MSH6: variants seen among roughly 807,000 people sequenced by gnomAD.
MSH6 encodes the protein mutS homolog 6.
In MSH6, 85 loss-of-function variants were observed where a neutral mutation model predicts 119.1. The observed-to-expected ratio is 0.71, with a 90% CI of 0.60 to 0.85. The LOEUF is 0.85. MSH6 is among the 40% of genes least tolerant of loss of function. The pLI, the probability that MSH6 is intolerant of heterozygous loss-of-function variation, is 0.00. For synonymous variants in MSH6, 830 were observed against 586.9 expected (o/e 1.41, Z -5.99); for missense variants, 2,163 against 1,655.3 (o/e 1.31, Z -5.32).
chr2:47,786,815 T>C (rs1238738051), intron 1 of MSH6, among the ~76,000 whole-genome samples: 2 of 152,142 alleles, frequency 1.3e-5, no homozygotes, highest in African/African-American at 4.8e-5. Context: ...GTTGTTGTTG[T>C]TGAATAATAG....
At chr2:47,784,223 C>G in intron 1 of MSH6, 1 of 1,002,616 alleles carries the variant, frequency 1.0e-6, no homozygotes, top group Non-Finnish European at 1.2e-6. Context: ...GTGCTGGGAT[C>G]CGGCTGGGTC....
At position 47,799,714 on chromosome 2, in the gene MSH6, C is replaced by G. The variant is rs2104363857; in HGVS notation, c.1731C>G (p.Arg577=). The change falls in exon 4 of 10, where the codon CGC becomes CGG. Residue 577 remains arginine, a synonymous_variant. Transcript: ENST00000234420. ...TCATAGGTCAGTTTTCAGATGATCG[C>G]CATTGTTCGAGATTTAGGACTCTAG... ...KFFIGQFSDD[R]HCSRFRTLVA... 6.2e-7 allele frequency: 1 copy of G among 1,614,138 alleles called. No individual in the cohort carries two copies. Among genetic ancestry groups the G allele is most frequent in the Non-Finnish European group, 8.5e-7 (1 of 1,180,032 alleles).
Position 47,806,770 on chromosome 2 carries a change from A to C in MSH6, c.4002-9A>C, listed in dbSNP as rs755141440. 2 of 1,473,568 alleles carry C rather than the reference A, an allele frequency of 1.4e-6. No individual in the cohort carries two copies. The highest frequency in any genetic ancestry group is 1.8e-6 in the Non-Finnish European group (2 of 1,091,634). The allele number at this position is 1,473,568 out of a possible 1,614,324, so 91.3% of individuals were successfully genotyped here. On this transcript the variant is annotated splice_polypyrimidine_tract_variant and intron_variant, in intron 9 of 9. Coordinates refer to ENST00000234420, the MANE Select transcript of MSH6 (RefSeq NM_000179.3). ...AAAAAACTTTTTTTTTTTTTTTTTT[A>C]ATTTTAAGGGAAGTTTGCCTGGCTA...
chr2:47,805,569 A>C lies in MSH6; in HGVS notation c.3557-49A>C, dbSNP rs1386451993. 1 of 1,197,644 alleles carries C rather than the reference A, an allele frequency of 8.3e-7. No individual in the cohort carries two copies. Among genetic ancestry groups the C allele is most frequent in the Non-Finnish European group, 1.2e-6 (1 of 800,566 alleles). 74.2% of individuals were successfully genotyped at this position (1,197,644 alleles called of 1,614,324 possible). ...TATAACCTAGAAGATGAATTTATGTAATATGATTTGCAAAATGAGTATTCA... is the reference window on the plus strand; with the variant it reads ...TATAACCTAGAAGATGAATTTATGTCATATGATTTGCAAAATGAGTATTCA... On this transcript the variant is annotated intron_variant, in intron 6 of 9. Coordinates refer to ENST00000234420, the MANE Select transcript of MSH6 (RefSeq NM_000179.3).
At chr2:47,789,744 A>G (rs1211142341) in intron 1 of MSH6, among the ~76,000 whole-genome samples, 1 of 152,230 alleles carries the variant, frequency 6.6e-6, no homozygotes. Context: ...CCTGTACTTT[A>G]TCTCTAGATT....
At position 47,806,646 on chromosome 2, in the gene MSH6, A is replaced by G; in HGVS notation, c.3996A>G (p.Leu1332=). The change falls in exon 9 of 10, where the codon TTA becomes TTG. Residue 1332 remains leucine, a synonymous_variant. Coordinates refer to ENST00000234420, the MANE Select transcript of MSH6 (RefSeq NM_000179.3). Reference sequence around the variant, plus strand: ...AGAAGATGAATCAGTCACTACGATTATTTCGGTAACTAACTAACTATAATG... The same window carrying G: ...AGAAGATGAATCAGTCACTACGATTGTTTCGGTAACTAACTAACTATAATG... ...EFEKMNQSLR[L]FREVCLASER... is the part of the protein sequence containing the mutation. 6.2e-7 allele frequency: 1 copy of G among 1,609,342 alleles called. No individual in the cohort carries two copies. Among genetic ancestry groups the G allele is most frequent in the Non-Finnish European group, 8.5e-7 (1 of 1,178,582 alleles).
downstream of MSH6, chr2:47,807,352 T>TCC: frequency 4.7e-6 from 1 of 211,936 alleles, no homozygotes; most frequent in African/African-American, 2.3e-5. Context: ...TTACAGTGCA[T>TCC]CCCTTCCTAG....
At chr2:47,809,506 G>A (rs556140510), downstream of MSH6, 31 of 905,146 alleles carry the variant, frequency 3.4e-5, 2 homozygotes, top group South Asian at 4.8e-4. Flanking sequence ...TGCTAACTTG[G>A]AGAGTGACAT....
chr2:47,797,030 G>A (rs557103099), intron 3 of MSH6, among the ~76,000 whole-genome samples: 1 of 152,318 alleles, frequency 6.6e-6, no homozygotes, highest in Non-Finnish European at 1.5e-5. Context: ...TTTAGAACAA[G>A]CTTGTCCAGT....
chr2:47,807,692 C>G, downstream of MSH6: 1 of 231,100 alleles, frequency 4.3e-6, no homozygotes, highest in Non-Finnish European at 8.6e-6. Context: ...AAAAGGAACG[C>G]AGAAGTGCTA....
At chr2:47,794,519 G>A (rs1363830815) in intron 2 of MSH6, among the ~76,000 whole-genome samples, 5 of 151,684 alleles carry the variant, frequency 3.3e-5, no homozygotes, top group South Asian at 2.1e-4. Context: ...TGATCCACCC[G>A]CCTTGGCCTC....
At chr2:47,803,756 AT>A in intron 5 of MSH6, 71 bp downstream of exon 5, 1 of 1,581,310 alleles carries the variant, frequency 6.3e-7, no homozygotes, top group Non-Finnish European at 8.7e-7. Flanking sequence ...TTAGGTGATC[AT>A]TTTCCAAACA....
intron 6 of MSH6, among the ~76,000 whole-genome samples, chr2:47,805,358 T>A (rs1449080767): frequency 6.6e-6 from 1 of 152,172 alleles, no homozygotes; most frequent in African/African-American, 2.4e-5. Flanking sequence ...TTTTTGTATT[T>A]TTAGTAGAAG....
chr2:47,805,050 A>G (rs1266330827), intron 6 of MSH6, 23 bp downstream of exon 6: 1 of 1,473,082 alleles, frequency 6.8e-7, no homozygotes, highest in Non-Finnish European at 9.5e-7. Flanking sequence ...TTTCCCACTT[A>G]AGTTCTCATT....
downstream of MSH6, chr2:47,809,486 CTT>C (rs1670464615): frequency 1.1e-5 from 9 of 812,510 alleles, no homozygotes; most frequent in Non-Finnish European, 1.7e-5. Context: ...CAAAATCTAT[CTT>C]AAACTGTTGC....
Position 47,784,268 on chromosome 2 carries a change from A to G in MSH6, c.260+775A>G, listed in dbSNP as rs1668210634. The G allele has an allele frequency of 1.7e-5, 17 of 989,780 alleles. No individual in the cohort carries two copies. The South Asian group carries it at 6.1e-4, about 36-fold the overall frequency. The allele number at this position is 989,780 out of a possible 1,614,324, so 61.3% of individuals were successfully genotyped here. On this transcript the variant is annotated intron_variant, in intron 1 of 9. Coordinates refer to ENST00000234420, the MANE Select transcript of MSH6 (RefSeq NM_000179.3). Reference sequence around the variant, plus strand: ...GTAGGCTGCACGTGCACCGAGACGAAGATAGAATATTTTGACGTATGTGGA... The same window carrying G: ...GTAGGCTGCACGTGCACCGAGACGAGGATAGAATATTTTGACGTATGTGGA...
chr2:47,791,747 C>T (rs915486947), intron 2 of MSH6, among the ~76,000 whole-genome samples: 6 of 150,012 alleles, frequency 4.0e-5, no homozygotes, highest in African/African-American at 1.5e-4. Context: ...GGCGCAATCT[C>T]GGCCCACTGC....
In MSH6 at chr2:47,799,385, C is replaced by T. The variant is rs369456858; in HGVS notation, c.1402C>T (p.Arg468Cys). The stretch of plus-strand genomic sequence containing the variant: ...TGGCTTTCCTGAAATTGCATTTGGC[C>T]GTTATTCAGATTCCCTGGTGCAGAA... ...HSGFPEIAFG[R>C]YSDSLVQKGY... Residue 468 changes from arginine (R) to cysteine (C), a missense_variant, in exon 4 of 10, where the codon CGT becomes TGT. Arg to Cys is a radical substitution (Grantham distance 180). Transcript: ENST00000234420. 1.2e-5 allele frequency: 20 copies of T among 1,613,922 alleles called. 1 individual carries two copies. The highest frequency in any genetic ancestry group is 3.3e-5 in the Admixed American group (2 of 59,984).
Position 47,799,661 on chromosome 2 carries a change from T to C in MSH6, c.1678T>C (p.Phe560Leu), listed in dbSNP as rs863224617. ...CCATACTCGTGCATATGGTGTGTGC[T>C]TTGTTGATACTTCACTGGGAAAGTT... ...SGHTRAYGVC[F>L]VDTSLGKFFI... The change falls in exon 4 of 10, where the codon TTT becomes CTT. Residue 560 changes from phenylalanine to leucine, a missense_variant. Transcript: ENST00000234420. 6.2e-7 allele frequency: 1 copy of C among 1,614,088 alleles called. No individual in the cohort carries two copies.
Sources: gnomAD v4.1 joint callset for allele counts (sites outside exome capture counted in the v4.1 genomes callset) on GRCh38, gnomAD v4.1.1 for gene constraint, MANE v1.5 for transcripts, NCBI Gene and HGNC (gene_info 2026-07-23, HGNC 2026-07-21) for gene names.